SPOCK1: variants seen among roughly 807,000 people sequenced by gnomAD.
The protein encoded by SPOCK1 is SPARC (osteonectin), cwcv and kazal like domains proteoglycan 1.
SPOCK1 carries 23 observed loss-of-function variants against 55.3 expected under a neutral mutation model. The observed-to-expected ratio is 0.42, with a 90% confidence interval of 0.30 to 0.59. The LOEUF is 0.59. Ranked by LOEUF, SPOCK1 falls within the 20% of genes least tolerant of loss-of-function variation. SPOCK1 has a pLI of 0.22. For synonymous variants in SPOCK1, 226 were observed against 221.0 expected (o/e 1.02, Z -0.20); for missense variants, 499 against 552.5 (o/e 0.90, Z 0.97).
intron 2 of SPOCK1, among the ~76,000 whole-genome samples, chr5:137,405,092 A>G (rs1169741600): frequency 6.6e-6 from 1 of 152,236 alleles, no homozygotes; most frequent in Admixed American, 6.5e-5. Flanking sequence ...TTGGTCACCT[A>G]TAGCGCCAGA....
At chr5:137,308,342 G>C (rs1420447065) in intron 2 of SPOCK1, among the ~76,000 whole-genome samples, 1 of 152,150 alleles carries the variant, frequency 6.6e-6, no homozygotes, top group Non-Finnish European at 1.5e-5. Context: ...CTCTGTATCA[G>C]AGAGAAAAGC....
chr5:137,401,660 A>G (rs1401012745), intron 2 of SPOCK1, among the ~76,000 whole-genome samples: 1 of 152,088 alleles, frequency 6.6e-6, no homozygotes, highest in Non-Finnish European at 1.5e-5. Context: ...CAAGAGGATC[A>G]CTTGAGTCCA....
chr5:137,109,672 T>G (rs1753431069), intron 5 of SPOCK1, among the ~76,000 whole-genome samples: 1 of 152,146 alleles, frequency 6.6e-6, no homozygotes, highest in Non-Finnish European at 1.5e-5. Context: ...TTATCTCATG[T>G]TTCTCCACAG....
intron 2 of SPOCK1, among the ~76,000 whole-genome samples, chr5:137,453,072 C>G (rs138782629): frequency 6.6e-6 from 1 of 152,194 alleles, no homozygotes; most frequent in South Asian, 2.1e-4. Context: ...TTCTTCACCT[C>G]ATTCAAACCA....
intron 2 of SPOCK1, among the ~76,000 whole-genome samples, chr5:137,382,649 C>T (rs1751497901): frequency 6.6e-6 from 1 of 152,152 alleles, no homozygotes; most frequent in South Asian, 2.1e-4. Flanking sequence ...AAGTGCCACA[C>T]ACTTTTAAAC....
intron 2 of SPOCK1, among the ~76,000 whole-genome samples, chr5:137,314,335 C>A (rs1366338315): frequency 1.3e-5 from 2 of 152,182 alleles, no homozygotes; most frequent in Non-Finnish European, 2.9e-5. Flanking sequence ...CAAACTCCAG[C>A]CTCACAAACG....
chr5:137,347,322 A>G (rs1050220128), intron 2 of SPOCK1, among the ~76,000 whole-genome samples: 2 of 152,184 alleles, frequency 1.3e-5, no homozygotes, highest in Non-Finnish European at 2.9e-5. Context: ...TTCCTCTAAC[A>G]GGGTGTAATT....
chr5:137,236,668 A>T lies in SPOCK1; in HGVS notation c.232+30342T>A, dbSNP rs375897782. 3.8e-4 allele frequency among the ~76,000 whole-genome samples: 58 copies of T among 152,182 alleles called. No individual in the cohort carries two copies. The East Asian group carries it at 0.01, about 26-fold the overall frequency. ...TAGACTGGGGCTATGGTCATATCTGACCTGGATTGGGGAGGGAATGGTTTA... is the reference window on the plus strand; with the variant it reads ...TAGACTGGGGCTATGGTCATATCTGTCCTGGATTGGGGAGGGAATGGTTTA... On this transcript the variant is annotated intron_variant, in intron 3 of 10. Coordinates refer to ENST00000394945, the MANE Select transcript of SPOCK1 (RefSeq NM_004598.4).
At chr5:137,318,965 G>A (rs1757933486) in intron 2 of SPOCK1, among the ~76,000 whole-genome samples, 1 of 152,206 alleles carries the variant, frequency 6.6e-6, no homozygotes, top group South Asian at 2.1e-4. Flanking sequence ...TTTAATAGAT[G>A]TCATTCTATC....
chr5:137,059,618 G>A (rs1752359619), intron 6 of SPOCK1, among the ~76,000 whole-genome samples: 1 of 152,184 alleles, frequency 6.6e-6, no homozygotes, highest in South Asian at 2.1e-4. Context: ...TTAAACTAAA[G>A]AGCTTCTGCA....
chr5:137,166,840 AATT>A (rs1409870799), intron 3 of SPOCK1, among the ~76,000 whole-genome samples: 43 of 152,118 alleles, frequency 2.8e-4, no homozygotes, highest in Non-Finnish European at 5.0e-4. Flanking sequence ...AAAGGCAAGA[AATT>A]ATATCACCAG....
chr5:137,447,830 T>C (rs1667133887), intron 2 of SPOCK1, among the ~76,000 whole-genome samples: 1 of 152,092 alleles, frequency 6.6e-6, no homozygotes. Context: ...GCCAAAAACA[T>C]CAGCAACCTC....
chr5:137,356,150 C>T (rs1750789148), intron 2 of SPOCK1, among the ~76,000 whole-genome samples: 2 of 152,166 alleles, frequency 1.3e-5, no homozygotes, highest in South Asian at 4.1e-4. Context: ...CCTGCTCTGC[C>T]TCATCAGTGC....
At chr5:137,052,561 G>T (rs1052054876) in intron 6 of SPOCK1, among the ~76,000 whole-genome samples, 1 of 152,112 alleles carries the variant, frequency 6.6e-6, no homozygotes, top group Non-Finnish European at 1.5e-5. Flanking sequence ...ATTAAGGTGT[G>T]TGCAAAATTA....
chr5:137,332,539 C>G (rs1024457165), intron 2 of SPOCK1, among the ~76,000 whole-genome samples: 1 of 152,224 alleles, frequency 6.6e-6, no homozygotes, highest in Non-Finnish European at 1.5e-5. Flanking sequence ...ATGATTACCA[C>G]AGCGACTGGC....
At chr5:136,999,616 G>A (rs1415165631) in intron 6 of SPOCK1, among the ~76,000 whole-genome samples, 2 of 152,036 alleles carry the variant, frequency 1.3e-5, no homozygotes, top group East Asian at 1.9e-4. Context: ...CCTTTCTGAG[G>A]ATTTGACAAA....
At chr5:137,276,196 G>A (rs918132005) in intron 2 of SPOCK1, among the ~76,000 whole-genome samples, 3 of 152,338 alleles carry the variant, frequency 2.0e-5, no homozygotes, top group East Asian at 1.9e-4. Context: ...AATGAACTAC[G>A]TTTTAATCCT....
intron 2 of SPOCK1, among the ~76,000 whole-genome samples, chr5:137,465,494 T>A (rs907061483): frequency 4.6e-5 from 7 of 152,106 alleles, no homozygotes; most frequent in African/African-American, 1.7e-4. Flanking sequence ...GAGCCTCAAC[T>A]TGATTCTTGT....
intron 2 of SPOCK1, among the ~76,000 whole-genome samples, chr5:137,432,179 A>G (rs1283104124): frequency 6.6e-6 from 1 of 152,226 alleles, no homozygotes; most frequent in Non-Finnish European, 1.5e-5. Flanking sequence ...TGCAGCTGCT[A>G]TGGAAAAACA....
Sources: allele counts gnomAD v4.1 joint callset (sites outside exome capture counted in the v4.1 genomes callset), GRCh38; gene constraint gnomAD v4.1.1; transcripts MANE v1.5; gene names NCBI Gene and HGNC (gene_info 2026-07-23, HGNC 2026-07-21).